The following DTD1 variants were observed in gnomAD, a reference collection of about 807,000 sequenced individuals.
DTD1 encodes the protein D-tyrosyl-tRNA deacylase 1 homolog.
A neutral mutation model predicts 25.6 loss-of-function variants in DTD1; 13 were observed. The observed-to-expected ratio is 0.51, with a 90% confidence interval of 0.33 to 0.81. The LOEUF is 0.81. Ranked by LOEUF, DTD1 falls within the 30% of genes least tolerant of loss-of-function variation. DTD1 has a pLI of 0.02. For missense variants in DTD1, 193 were observed against 266.4 expected (o/e 0.72, Z 1.92); for synonymous variants, 110 against 103.6 (o/e 1.06, Z -0.37).
intron 3 of DTD1, among the ~76,000 whole-genome samples, chr20:18,618,774 G>A (rs912918915): frequency 2.7e-5 from 4 of 148,550 alleles, no homozygotes; most frequent in South Asian, 4.2e-4. Context: ...ATGTAATGGC[G>A]TCATCTTGGC....
chr20:18,729,270 A>G (rs2061232571), intron 4 of DTD1, among the ~76,000 whole-genome samples: 1 of 152,178 alleles, frequency 6.6e-6, no homozygotes, highest in African/African-American at 2.4e-5. Flanking sequence ...TAAGGCTTTT[A>G]TAGATACATT....
intron 4 of DTD1, among the ~76,000 whole-genome samples, chr20:18,693,136 AC>A (rs2061054426): frequency 6.6e-6 from 1 of 151,666 alleles, no homozygotes; most frequent in Non-Finnish European, 1.5e-5. Context: ...CCAGTGATCC[AC>A]CCGCCTCGGC....
chr20:18,630,087 GGTA>G (rs1447598648), intron 4 of DTD1, among the ~76,000 whole-genome samples: 3 of 151,240 alleles, frequency 2.0e-5, no homozygotes, highest in African/African-American at 7.3e-5. Context: ...AGACTTCAGT[GGTA>G]GTAACTGAGG....
At chr20:18,694,557 T>C (rs1028014029) in intron 4 of DTD1, among the ~76,000 whole-genome samples, 1 of 152,106 alleles carries the variant, frequency 6.6e-6, no homozygotes, top group African/African-American at 2.4e-5. Context: ...ACTATAAAAC[T>C]GGTTCGGAAG....
chr20:18,688,357 C>T (rs187524800), intron 4 of DTD1, among the ~76,000 whole-genome samples: 67 of 152,194 alleles, frequency 4.4e-4, no homozygotes, highest in African/African-American at 1.5e-3. Flanking sequence ...TAATTATAAC[C>T]TGTGATAAGT....
chr20:18,612,845 A>C (rs553544611), intron 3 of DTD1, among the ~76,000 whole-genome samples: 1 of 151,954 alleles, frequency 6.6e-6, no homozygotes, highest in African/African-American at 2.4e-5. Context: ...TTTTAGTAGA[A>C]GCAGGGTTTC....
chr20:18,760,857 C>A (rs2061358790), intron 5 of DTD1, among the ~76,000 whole-genome samples: 1 of 152,198 alleles, frequency 6.6e-6, no homozygotes, highest in Non-Finnish European at 1.5e-5. Context: ...GGCAGGCAGG[C>A]CTCCTTGAGC....
chr20:18,696,796 C>T lies in DTD1; in HGVS notation c.478-47304C>T, dbSNP rs1448679655. On this transcript the variant is annotated intron_variant, in intron 4 of 5. Transcript: ENST00000377452. ...CTTGAACTCCCGACCTCAGGTGATA[C>T]GCCCACCTCGGCCTCCCAAAGTGCT... Among the ~76,000 whole-genome samples the T allele has an allele frequency of 5.3e-5, 8 of 152,022 alleles. No homozygotes were observed. In the South Asian group the frequency reaches 1.2e-3, roughly 24 times the overall value.
intron 4 of DTD1, among the ~76,000 whole-genome samples, chr20:18,736,411 T>C (rs562917311): frequency 4.6e-5 from 7 of 152,322 alleles, no homozygotes; most frequent in Non-Finnish European, 8.8e-5. Context: ...TTAGTGTCCA[T>C]GGGAGCCTGA....
rs77040029 is a variant in DTD1, at chr20:18,673,326, C to T, written c.477+45093C>T. On this transcript the variant is annotated intron_variant, in intron 4 of 5. Coordinates refer to ENST00000377452, the MANE Select transcript of DTD1 (RefSeq NM_080820.6). ...GTATGAAAAATTCTACAAGTCAAAA[C>T]ACATGGTAGAATATATCTATGAATC... Among the ~76,000 whole-genome samples, 1,305 of 152,228 alleles carry T rather than the reference C, an allele frequency of 8.6e-3. 16 individuals carry two copies. The highest frequency in any genetic ancestry group is 0.03 in the African/African-American group (1,241 of 41,524).
Position 18,708,591 on chromosome 20 carries a change from A to C in DTD1, c.478-35509A>C, listed in dbSNP as rs146533468. 9.0e-3 allele frequency among the ~76,000 whole-genome samples: 1,361 copies of C among 151,148 alleles called. 9 individuals carry two copies. The highest frequency in any genetic ancestry group is 0.012 in the Non-Finnish European group (845 of 67,860). ...GGCTGGTCTCAAACTTCTGACCTCA[A>C]GTGATCTGCCCGCCTCGGCCTCCCA... On this transcript the variant is annotated intron_variant, in intron 4 of 5. Coordinates refer to ENST00000377452, the MANE Select transcript of DTD1 (RefSeq NM_080820.6).
chr20:18,737,007 G>A (rs1274668874), intron 4 of DTD1, among the ~76,000 whole-genome samples: 4 of 152,072 alleles, frequency 2.6e-5, no homozygotes, highest in Non-Finnish European at 5.9e-5. Context: ...CTGCCTTGCC[G>A]TGCCGGTCCT....
At chr20:18,614,156 G>C (rs887160106) in intron 3 of DTD1, among the ~76,000 whole-genome samples, 2 of 151,924 alleles carry the variant, frequency 1.3e-5, no homozygotes, top group Non-Finnish European at 1.5e-5. Context: ...TAATGACCTG[G>C]GGCACTGGAC....
intron 4 of DTD1, among the ~76,000 whole-genome samples, chr20:18,725,147 A>G (rs1169944966): frequency 2.0e-5 from 3 of 152,216 alleles, no homozygotes; most frequent in Admixed American, 6.5e-5. Context: ...TCATATTTAT[A>G]CTCACTTTTT....
At chr20:18,663,817 G>A (rs543450279) in intron 4 of DTD1, among the ~76,000 whole-genome samples, 5 of 152,302 alleles carry the variant, frequency 3.3e-5, no homozygotes, top group Non-Finnish European at 5.9e-5. Context: ...GAGTGCCAGC[G>A]GGGGAACTGC....
intron 3 of DTD1, among the ~76,000 whole-genome samples, chr20:18,612,896 T>C (rs2122281118): frequency 6.6e-6 from 1 of 152,290 alleles, no homozygotes; most frequent in Non-Finnish European, 1.5e-5. Context: ...TGACCTCAAG[T>C]GATCTGCACA....
chr20:18,650,878 G>C (rs2060871388), intron 4 of DTD1, among the ~76,000 whole-genome samples: 1 of 152,148 alleles, frequency 6.6e-6, no homozygotes, highest in African/African-American at 2.4e-5. Context: ...ATAAATTCCA[G>C]TGGAATTAAA....
At position 18,718,678 on chromosome 20, in the gene DTD1, A is replaced by G. The variant is rs139254245; in HGVS notation, c.478-25422A>G. 5.8e-3 allele frequency among the ~76,000 whole-genome samples: 889 copies of G among 152,354 alleles called. 2 individuals carry two copies. The highest frequency in any genetic ancestry group is 8.3e-3 in the Non-Finnish European group (563 of 68,032). ...ACTTCAGTTTTGTATGGTTCTATCT[A>G]ATATAATGTTATACATATACATGCA... On this transcript the variant is annotated intron_variant, in intron 4 of 5. Transcript: ENST00000377452.
rs371267638 is a variant in DTD1 at position 18,758,511 on chromosome 20, G to A, written c.*20-4849G>A. On this transcript the variant is annotated intron_variant, in intron 5 of 5. Transcript: ENST00000377452. ...GGTTTCAAAGAACATCTTTACTTCT[G>A]CCTTCATTTCCTTGTGTACCCAGCA... is the stretch of plus-strand genomic sequence containing the variant. Among the ~76,000 whole-genome samples, 27 of 152,268 alleles carry A rather than the reference G, an allele frequency of 1.8e-4. No homozygotes were observed. The East Asian group carries it at 3.1e-3, about 17-fold the overall frequency.
Sources: allele counts gnomAD v4.1 joint callset (sites outside exome capture counted in the v4.1 genomes callset), GRCh38; gene constraint gnomAD v4.1.1; transcripts MANE v1.5; gene names NCBI Gene and HGNC (gene_info 2026-07-23, HGNC 2026-07-21).